MGRN1: variants seen among roughly 807,000 people sequenced by gnomAD.
MGRN1 encodes the protein E3 ubiquitin-protein ligase MGRN1.
A neutral mutation model predicts 69.2 loss-of-function variants in MGRN1; 29 were observed. That is an observed-to-expected ratio of 0.42 (90% CI 0.31 to 0.57). The LOEUF (loss-of-function observed/expected upper bound fraction) is 0.57, where lower values mean the gene tolerates loss of function less well. Among genes scored for constraint, MGRN1 ranks in the 20% least tolerant of loss-of-function variants. MGRN1 has a pLI of 0.15. For missense variants in MGRN1, 998 were observed against 796.2 expected, an observed-to-expected ratio of 1.25 and a Z score of -3.05; for synonymous variants, 470 against 344.2, an observed-to-expected ratio of 1.37 and a Z score of -4.04.
chr16:4,674,616 CT>C (rs2079014015), intron 10 of MGRN1, among the ~76,000 whole-genome samples: 2 of 71,410 alleles, frequency 2.8e-5, no homozygotes, highest in African/African-American at 1.1e-4. Context: ...TTTTTCTTTT[CT>C]TTTCTTTTCT....
chr16:4,683,044 C>T (rs1596318235), intron 14 of MGRN1, 98 bp downstream of exon 14: 19 of 1,469,978 alleles, frequency 1.3e-5, no homozygotes, highest in South Asian at 5.4e-5. Flanking sequence ...CCCGCCTGGG[C>T]GCCCCCGTGC....
chr16:4,666,795 G>T (rs2078815717), intron 7 of MGRN1, among the ~76,000 whole-genome samples: 1 of 152,206 alleles, frequency 6.6e-6, no homozygotes, highest in African/African-American at 2.4e-5. Context: ...AACATCTGTT[G>T]TTCCCACTTG....
chr16:4,680,954 G>A (rs2079169452), intron 12 of MGRN1, among the ~76,000 whole-genome samples: 1 of 152,232 alleles, frequency 6.6e-6, no homozygotes, highest in African/African-American at 2.4e-5. Flanking sequence ...CAGAGCAGGG[G>A]CCCCCGCAGT....
rs944843029 is a variant in MGRN1 at position 4,624,888 on chromosome 16, C to T, written c.-73C>T. 8.2e-6 allele frequency: 11 copies of T among 1,345,154 alleles called. No homozygotes were observed. Among genetic ancestry groups the T allele is most frequent in the African/African-American group, 7.6e-5 (5 of 65,760 alleles). The allele number at this position is 1,345,154 out of a possible 1,614,324, so 83.3% of individuals were successfully genotyped here. ...CCGTGCGGCCTGGTCCGGGCCATGT[C>T]CGCGTGAGGACCCCGCCGCTGTCGC... On this transcript the variant is annotated 5_prime_UTR_variant, in exon 1 of 17. Coordinates refer to ENST00000262370, the MANE Select transcript of MGRN1 (RefSeq NM_015246.4).
At chr16:4,645,771 C>T (rs1281007910) in intron 1 of MGRN1, among the ~76,000 whole-genome samples, 2 of 152,024 alleles carry the variant, frequency 1.3e-5, no homozygotes, top group East Asian at 1.9e-4. Flanking sequence ...TCTGGGGCCT[C>T]GGAGGCTACT....
chr16:4,674,270 C>G (rs1205638557), intron 10 of MGRN1, among the ~76,000 whole-genome samples: 1 of 152,142 alleles, frequency 6.6e-6, no homozygotes, highest in African/African-American at 2.4e-5. Flanking sequence ...AGGCATGAGC[C>G]ACCATGCCTG....
chr16:4,663,149 C>T (rs925374906), intron 5 of MGRN1, among the ~76,000 whole-genome samples: 2 of 151,550 alleles, frequency 1.3e-5, no homozygotes, highest in East Asian at 2.0e-4. Context: ...CTGCAATCTC[C>T]GCCTCCCGAT....
chr16:4,682,731 A>T (rs1284441414), intron 13 of MGRN1, 92 bp from the exon 14 acceptor site: 3 of 1,382,668 alleles, frequency 2.2e-6, no homozygotes, highest in Admixed American at 2.7e-5. Flanking sequence ...AGGCGTGTGC[A>T]GGGGCCCCCA....
chr16:4,636,919 A>G (rs570322660), intron 1 of MGRN1, among the ~76,000 whole-genome samples: 37 of 151,390 alleles, frequency 2.4e-4, no homozygotes, highest in African/African-American at 7.3e-4. Context: ...GGAGATCGAG[A>G]CCATCCTGGC....
At chr16:4,665,028 C>G in intron 6 of MGRN1, 74 bp from the exon 7 acceptor site, 1 of 1,557,526 alleles carries the variant, frequency 6.4e-7, no homozygotes, top group South Asian at 1.1e-5. Flanking sequence ...GCAGGCCTAC[C>G]AGGGTCGGGG....
chr16:4,674,844 G>A (rs1331155677), intron 10 of MGRN1, among the ~76,000 whole-genome samples: 1 of 149,534 alleles, frequency 6.7e-6, no homozygotes, highest in Non-Finnish European at 1.5e-5. Flanking sequence ...GTTTCACCTT[G>A]TTAGCCAGGA....
chr16:4,683,390 C>A, intron 15 of MGRN1, 121 bp downstream of exon 15: 1 of 1,179,896 alleles, frequency 8.5e-7, no homozygotes, highest in Non-Finnish European at 1.2e-6. Context: ...GAACCCTCGG[C>A]CAAGAGGCCC....
At position 4,668,498 on chromosome 16, in the gene MGRN1, C is replaced by A. The variant is rs549567898; in HGVS notation, c.726+186C>A. On this transcript the variant is annotated intron_variant, in intron 8 of 16. Transcript: ENST00000262370. ...ACACATACATACCATCAGACACTCA[C>A]ATTCACACATATATAGACACATAAA... Among the ~76,000 whole-genome samples the A allele has an allele frequency of 9.2e-5, 14 of 152,060 alleles. No homozygotes were observed. The East Asian group carries it at 2.1e-3, about 23-fold the overall frequency.
Position 4,674,481 on chromosome 16 carries a change from G to A in MGRN1, c.955+824G>A, listed in dbSNP as rs758276690. On this transcript the variant is annotated intron_variant, in intron 10 of 16. Transcript: ENST00000262370. ...TTTTTGTGTTTTAAGTGGAGATGGGGTTTCACCATGTTGGTCAGGCTGGTC... is the reference window on the plus strand; with the variant it reads ...TTTTTGTGTTTTAAGTGGAGATGGGATTTCACCATGTTGGTCAGGCTGGTC... Among the ~76,000 whole-genome samples the A allele has an allele frequency of 2.6e-5, 4 of 151,160 alleles. No individual in the cohort carries two copies. The East Asian group carries it at 7.7e-4, about 29-fold the overall frequency.
At chr16:4,654,698 A>AG (rs2078490725) in intron 4 of MGRN1, among the ~76,000 whole-genome samples, 1 of 152,194 alleles carries the variant, frequency 6.6e-6, no homozygotes, top group African/African-American at 2.4e-5. Context: ...TGGTGTGAGG[A>AG]GGGGACCATG....
chr16:4,682,792 C>T, intron 13 of MGRN1, 31 bp from the exon 14 acceptor site: 4 of 1,506,900 alleles, frequency 2.7e-6, no homozygotes, highest in Non-Finnish European at 2.7e-6. Flanking sequence ...GTTATCCTCT[C>T]ACCCCTGCCC....
chr16:4,654,764 C>T (rs1038632089), intron 4 of MGRN1, among the ~76,000 whole-genome samples: 1 of 152,266 alleles, frequency 6.6e-6, no homozygotes, highest in East Asian at 1.9e-4. Context: ...CCTGAGTGCT[C>T]GAGTTGAGGG....
chr16:4,656,927 A>G (rs538917995), intron 4 of MGRN1, among the ~76,000 whole-genome samples: 40 of 139,660 alleles, frequency 2.9e-4, no homozygotes, highest in Non-Finnish European at 5.8e-4. Flanking sequence ...ATAAATAAAT[A>G]AACAAACCAA....
At chr16:4,625,897 G>A (rs1215107007) in intron 1 of MGRN1, among the ~76,000 whole-genome samples, 2 of 152,246 alleles carry the variant, frequency 1.3e-5, no homozygotes. Flanking sequence ...GGGACATCTA[G>A]ATTGGGTCCT....
Sources: gnomAD v4.1 joint callset for allele counts (sites outside exome capture counted in the v4.1 genomes callset) on GRCh38, gnomAD v4.1.1 for gene constraint, MANE v1.5 for transcripts, NCBI Gene and HGNC (gene_info 2026-07-23, HGNC 2026-07-21) for gene names.